ABCA6: variants seen among roughly 807,000 people sequenced by gnomAD.
ABCA6 encodes the protein ATP binding cassette subfamily A member 6.
Under a neutral mutation model 191.2 loss-of-function variants are expected in ABCA6, and 164 were observed. That is an observed-to-expected ratio of 0.86 (90% CI 0.76 to 0.98). ABCA6 has a LOEUF of 0.98. ABCA6 is among the 50% of genes least tolerant of loss of function. ABCA6 has a pLI of 0.00. For synonymous variants in ABCA6, 636 were observed against 647.7 expected, an observed-to-expected ratio of 0.98 and a Z score of 0.27; for missense variants, 1,958 against 1,894.1, an observed-to-expected ratio of 1.03 and a Z score of -0.63.
At chr17:69,108,407 C>T (rs78438964) in intron 17 of ABCA6, 1 of 152,076 alleles carries the variant, frequency 6.6e-6, no homozygotes. Flanking sequence ...CAGCCAGACA[C>T]CAGTCATCAC....
At chr17:69,129,531 A>C in intron 7 of ABCA6, 79 bp downstream of exon 7, 1 of 1,232,066 alleles carries the variant, frequency 8.1e-7, no homozygotes, top group Non-Finnish European at 1.1e-6. Context: ...TGATTGCAGT[A>C]ACCTACTAGG....
chr17:69,140,497 G>A, intron 2 of ABCA6, 111 bp downstream of exon 2: 1 of 520,198 alleles, frequency 1.9e-6, no homozygotes, highest in South Asian at 5.3e-5. Context: ...GAGAGAACTG[G>A]TAAAATCAAT....
chr17:69,124,931 G>A lies in ABCA6; in HGVS notation c.1224C>T (p.Leu408=), dbSNP rs894691000. 3 of 1,577,150 alleles carry A rather than the reference G, an allele frequency of 1.9e-6. No individual in the cohort carries two copies. Among genetic ancestry groups the A allele is most frequent in the Admixed American group, 1.8e-5 (1 of 55,808 alleles). ...AGTATAATGCCAATAGCAAGTAGATGAGACCATCCAAAAGCAACATAGAAA... is the reference window on the plus strand; with the variant it reads ...AGTATAATGCCAATAGCAAGTAGATAAGACCATCCAAAAGCAACATAGAAA... The part of the protein sequence containing the change: ...ATFSMLLLDG[L]IYLLLALYFD... Residue 408 remains leucine (L), a synonymous_variant, in exon 9 of 39, where the codon CTC becomes CTT. Transcript: ENST00000284425.
At chr17:69,109,368 C>T (rs1170686906) in intron 17 of ABCA6, 1 of 152,128 alleles carries the variant, frequency 6.6e-6, no homozygotes, top group Non-Finnish European at 1.5e-5. Flanking sequence ...ACGTAGAAAA[C>T]ATTACACAAA....
At chr17:69,096,001 C>T (rs762552660) in intron 25 of ABCA6, among the ~76,000 whole-genome samples, 5 of 152,132 alleles carry the variant, frequency 3.3e-5, no homozygotes, top group Non-Finnish European at 7.3e-5. Flanking sequence ...CTCAACAGGA[C>T]GTTTCAGACG....
Position 69,123,372 on chromosome 17 carries a change from A to G in ABCA6, c.1303T>C (p.Leu435=). Residue 435 remains leucine (L), a synonymous_variant, in exon 10 of 39, where the codon TTG becomes CTG. Transcript: ENST00000284425. The part of the protein sequence containing the change: ...DERHYSPLFF[L]NSSSCFQHQR... ...TGTTGGAAACAAGATGATGAATTCA[A>G]GAAAAATAAAGGAGAATAATGGCGC... 6.5e-7 allele frequency: 1 copy of G among 1,533,090 alleles called. No homozygotes were observed. Among genetic ancestry groups the G allele is most frequent in the Non-Finnish European group, 8.8e-7 (1 of 1,131,380 alleles). The allele number at this position is 1,533,090 out of a possible 1,614,324, so 95.0% of individuals were successfully genotyped here. A position where few individuals can be genotyped will look rare whatever the true frequency, so the allele number is the denominator to read the frequency against.
intron 14 of ABCA6, 48 bp from the exon 15 acceptor site, chr17:69,113,408 T>C (rs1437812547): frequency 4.5e-6 from 7 of 1,562,576 alleles, no homozygotes; most frequent in Non-Finnish European, 6.0e-6. Flanking sequence ...TCACATTAAC[T>C]GTATCCAGAA....
chr17:69,100,700 T>C, intron 22 of ABCA6, 97 bp downstream of exon 22: 1 of 1,261,702 alleles, frequency 7.9e-7, no homozygotes, highest in South Asian at 2.0e-5. Context: ...ATTTTCAGGC[T>C]TAACAATCAC....
rs780793396 is a variant in ABCA6, at chr17:69,133,656, T to TG, written c.775dup (p.Gln259ProfsTer91). On this transcript the variant is annotated frameshift_variant, in exon 6 of 39. Transcript: ENST00000284425. LOFTEE classifies it high-confidence loss of function. ...AGTCACTCACCAGAATGCTGAATCTTGGAGACCCATCATTTTCATCAAATT... is the reference window on the plus strand; with the variant it reads ...AGTCACTCACCAGAATGCTGAATCTTGGGAGACCCATCATTTTCATCAAATT... 14 of 1,596,398 alleles carry TG rather than the reference T, an allele frequency of 8.8e-6. No individual in the cohort carries two copies. In the East Asian group the frequency reaches 3.1e-4, roughly 36 times the overall value.
intron 10 of ABCA6, among the ~76,000 whole-genome samples, chr17:69,122,265 A>G (rs542311935): frequency 5.9e-5 from 9 of 152,264 alleles, no homozygotes; most frequent in African/African-American, 1.7e-4. Flanking sequence ...AGTCAGGTAC[A>G]TAGTCAGCAC....
chr17:69,110,202 T>G (rs2073394844), intron 17 of ABCA6: 2 of 152,282 alleles, frequency 1.3e-5, no homozygotes, highest in Non-Finnish European at 2.9e-5. Flanking sequence ...TGGAACTATC[T>G]ATTCCTTGTG....
rs111699508 is a variant in ABCA6, at chr17:69,105,437, A to C, written c.2740+25T>G. On this transcript the variant is annotated intron_variant, in intron 20 of 38. Coordinates refer to ENST00000284425, the MANE Select transcript of ABCA6 (RefSeq NM_080284.3). Reference sequence around the variant, plus strand: ...AACAATAAAAATAACTTATTTCTGGATTTAAATTTTATTTTTCTTTTCACC... The same window carrying C: ...AACAATAAAAATAACTTATTTCTGGCTTTAAATTTTATTTTTCTTTTCACC... 8.8e-4 allele frequency: 1,393 copies of C among 1,583,194 alleles called. 17 individuals carry two copies. In the African/African-American group the frequency reaches 0.016, roughly 19 times the overall value.
intron 9 of ABCA6, among the ~76,000 whole-genome samples, chr17:69,123,730 C>T (rs1239281513): frequency 6.6e-6 from 1 of 151,982 alleles, no homozygotes; most frequent in South Asian, 2.1e-4. Context: ...AGTTGGACTC[C>T]AGCTTTTCCC....
At position 69,137,297 on chromosome 17, in the gene ABCA6, T is replaced by C. The variant is rs148490444; in HGVS notation, c.300A>G (p.Lys100=). The C allele has an allele frequency of 2.1e-5, 34 of 1,611,616 alleles. No individual in the cohort carries two copies. The highest frequency in any genetic ancestry group is 8.3e-5 in the Admixed American group (5 of 59,930). Residue 100 remains lysine (K), a splice_region_variant and synonymous_variant, in exon 3 of 39, where the codon AAA becomes AAG. Transcript: ENST00000284425. The part of the protein sequence containing the change: ...MNKTALAPLL[K]GTSVIGAPNK... Reference sequence around the variant, plus strand: ...TTTTTTTGCCATGAGTACACCTACCTTTCAAAAGAGGAGCAAGTGCTGTTT... The same window carrying C: ...TTTTTTTGCCATGAGTACACCTACCCTTCAAAAGAGGAGCAAGTGCTGTTT...
intron 6 of ABCA6, 98 bp downstream of exon 6, chr17:69,133,543 A>T: frequency 1.1e-6 from 1 of 918,762 alleles, no homozygotes; most frequent in African/African-American, 1.7e-5. Flanking sequence ...TAGCCAATGC[A>T]TCAAGTTTAA....
chr17:69,131,315 C>CT (rs1164420024), intron 6 of ABCA6, among the ~76,000 whole-genome samples: 6 of 152,130 alleles, frequency 3.9e-5, no homozygotes, highest in Non-Finnish European at 7.4e-5. Flanking sequence ...TATTTGACTT[C>CT]TTTTTAAATT....
chr17:69,105,690 T>C, intron 19 of ABCA6, 62 bp from the exon 20 acceptor site: 2 of 1,238,588 alleles, frequency 1.6e-6, no homozygotes, highest in Non-Finnish European at 2.3e-6. Context: ...TAGTAAGACA[T>C]TCCACAAGTA....
intron 4 of ABCA6, 36 bp from the exon 5 acceptor site, chr17:69,134,778 G>A: frequency 7.1e-7 from 1 of 1,399,122 alleles, no homozygotes; most frequent in Admixed American, 1.7e-5. Flanking sequence ...CAACATTATG[G>A]GACGAGGGCA....
intron 22 of ABCA6, 66 bp from the exon 23 acceptor site, chr17:69,098,093 C>A: frequency 8.4e-7 from 1 of 1,184,676 alleles, no homozygotes; most frequent in Non-Finnish European, 1.2e-6. Context: ...ATTATAGCCA[C>A]AAAAATGCAC....
Sources: allele counts gnomAD v4.1 joint callset (sites outside exome capture counted in the v4.1 genomes callset), GRCh38; gene constraint gnomAD v4.1.1; transcripts MANE v1.5; gene names NCBI Gene and HGNC (gene_info 2026-07-23, HGNC 2026-07-21).